Variants in SPAG16 observed in about 807,000 individuals in gnomAD.
SPAG16 encodes the protein sperm associated antigen 16, also known as sperm-associated antigen 16 protein.
Under a neutral mutation model 80.4 loss-of-function variants are expected in SPAG16, and 86 were observed. The observed-to-expected ratio is 1.07, with a 90% CI of 0.90 to 1.28. The LOEUF is 1.28. SPAG16 is among the 50% of genes most tolerant of loss of function. The pLI is 0.00. For missense variants in SPAG16, 870 were observed against 765.3 expected, an observed-to-expected ratio of 1.14 and a Z score of -1.61; for synonymous variants, 294 against 265.9, an observed-to-expected ratio of 1.11 and a Z score of -1.03.
intron 9 of SPAG16, chr2:213,396,546 A>G (rs1359274582): frequency 5.1e-6 from 2 of 394,412 alleles, no homozygotes; most frequent in Non-Finnish European, 1.0e-5. Context: ...TTATGAGCTC[A>G]GTGCGAGAAC....
chr2:214,033,057 TGTTTATC>T (rs1247045351), intron 13 of SPAG16, among the ~76,000 whole-genome samples: 1 of 152,086 alleles, frequency 6.6e-6, no homozygotes, highest in Non-Finnish European at 1.5e-5. Flanking sequence ...AGTCAGAAAA[TGTTTATC>T]GTTTTCCTGC....
intron 12 of SPAG16, among the ~76,000 whole-genome samples, chr2:214,006,422 C>T (rs1452426172): frequency 2.6e-5 from 4 of 152,038 alleles, no homozygotes; most frequent in Admixed American, 6.5e-5. Flanking sequence ...ATCTGCTTTA[C>T]AGCAAGTTGA....
chr2:214,047,932 G>A (rs961646628), intron 13 of SPAG16, among the ~76,000 whole-genome samples: 1 of 152,138 alleles, frequency 6.6e-6, no homozygotes, highest in African/African-American at 2.4e-5. Flanking sequence ...ACAGGTATAT[G>A]AAAAGGTGCT....
intron 15 of SPAG16, among the ~76,000 whole-genome samples, chr2:214,296,379 A>AAT (rs1694132954): frequency 6.6e-6 from 1 of 152,180 alleles, no homozygotes; most frequent in African/African-American, 2.4e-5. Context: ...CTTTGGATAT[A>AAT]ATAACTTCTT....
intron 15 of SPAG16, among the ~76,000 whole-genome samples, chr2:214,321,456 G>C (rs1176142410): frequency 6.6e-6 from 1 of 152,196 alleles, no homozygotes; most frequent in African/African-American, 2.4e-5. Context: ...GGTAAGCACA[G>C]TTCTGCCCAG....
At chr2:213,674,312 T>A (rs2063943550) in intron 10 of SPAG16, among the ~76,000 whole-genome samples, 2 of 152,152 alleles carry the variant, frequency 1.3e-5, no homozygotes, top group Middle Eastern at 3.2e-3. Flanking sequence ...AAGATGTGAT[T>A]TTTTTTCTTA....
intron 14 of SPAG16, among the ~76,000 whole-genome samples, chr2:214,117,646 G>C (rs953624440): frequency 6.6e-6 from 1 of 152,128 alleles, no homozygotes; most frequent in African/African-American, 2.4e-5. Context: ...ACATCGAAAA[G>C]ATCATTCAGC....
intron 10 of SPAG16, among the ~76,000 whole-genome samples, chr2:213,775,721 A>G (rs185906982): frequency 6.6e-6 from 1 of 152,336 alleles, no homozygotes; most frequent in Admixed American, 6.5e-5. Context: ...GTGTTATAAC[A>G]TAGTATTTGT....
At chr2:214,001,551 A>G (rs2046789184) in intron 12 of SPAG16, among the ~76,000 whole-genome samples, 1 of 152,208 alleles carries the variant, frequency 6.6e-6, no homozygotes, top group African/African-American at 2.4e-5. Flanking sequence ...TACTTAGTCT[A>G]TTAACTTTCA....
At chr2:214,078,333 G>A (rs1403721054) in intron 13 of SPAG16, among the ~76,000 whole-genome samples, 1 of 151,970 alleles carries the variant, frequency 6.6e-6, no homozygotes, top group African/African-American at 2.4e-5. Context: ...CAGGAGGATT[G>A]CTTGAGTCCA....
At chr2:214,135,661 C>G (rs1181371758) in intron 14 of SPAG16, among the ~76,000 whole-genome samples, 1 of 152,088 alleles carries the variant, frequency 6.6e-6, no homozygotes, top group East Asian at 1.9e-4. Flanking sequence ...TTATTTCCCA[C>G]AAGAGCTGGT....
chr2:213,746,533 C>T (rs929836007), intron 10 of SPAG16, among the ~76,000 whole-genome samples: 8 of 152,250 alleles, frequency 5.3e-5, no homozygotes, highest in Non-Finnish European at 7.4e-5. Context: ...AGTCCGGGTG[C>T]GGTGGCTCAT....
chr2:213,479,294 C>T (rs573083105), intron 9 of SPAG16, among the ~76,000 whole-genome samples: 1 of 152,050 alleles, frequency 6.6e-6, no homozygotes, highest in Non-Finnish European at 1.5e-5. Context: ...TTTCATACAT[C>T]ATGCCCCAAA....
chr2:213,779,162 A>C (rs2069787364), intron 10 of SPAG16, among the ~76,000 whole-genome samples: 1 of 151,902 alleles, frequency 6.6e-6, no homozygotes. Flanking sequence ...GAATATTGCT[A>C]CTCCATAAGT....
chr2:213,311,667 T>C (rs1371137092), intron 4 of SPAG16, among the ~76,000 whole-genome samples: 1 of 151,670 alleles, frequency 6.6e-6, no homozygotes, highest in Non-Finnish European at 1.5e-5. Flanking sequence ...TCCTTATCCC[T>C]AGCTGCCAGT....
chr2:213,614,482 G>T (rs115954971), intron 10 of SPAG16, among the ~76,000 whole-genome samples: 5 of 152,270 alleles, frequency 3.3e-5, no homozygotes, highest in African/African-American at 7.2e-5. Context: ...CTTGATGCCT[G>T]GCTTATTGCA....
At chr2:213,887,364 A>G (rs1297701070) in intron 11 of SPAG16, among the ~76,000 whole-genome samples, 5 of 151,784 alleles carry the variant, frequency 3.3e-5, no homozygotes, top group African/African-American at 9.7e-5. Flanking sequence ...GTTTTTGACA[A>G]TGTTGACATT....
chr2:213,938,755 A>G (rs1200043776), intron 12 of SPAG16, among the ~76,000 whole-genome samples: 3 of 152,102 alleles, frequency 2.0e-5, no homozygotes, highest in Non-Finnish European at 4.4e-5. Context: ...GTTACTAAAT[A>G]TAAAAAATGG....
intron 8 of SPAG16, among the ~76,000 whole-genome samples, chr2:213,367,582 C>T (rs945328921): frequency 6.6e-5 from 10 of 152,218 alleles, no homozygotes; most frequent in Non-Finnish European, 1.5e-4. Context: ...GCATAAATGT[C>T]TTCTTTTGAG....
Sources: gnomAD v4.1 joint callset for allele counts (sites outside exome capture counted in the v4.1 genomes callset) on GRCh38, gnomAD v4.1.1 for gene constraint, MANE v1.5 for transcripts, NCBI Gene and HGNC (gene_info 2026-07-23, HGNC 2026-07-21) for gene names.